EEIG1: variants seen among roughly 807,000 people sequenced by gnomAD.
The protein encoded by EEIG1 is estrogen-induced osteoclastogenesis regulator 1.
the EEIG1 span, among the ~76,000 whole-genome samples, chr9:127,951,612 G>A: frequency 1.5e-4 from 23 of 152,090 alleles, no homozygotes; most frequent in East Asian, 4.4e-3. Flanking sequence ...TCAGGAGATC[G>A]AGACCATCCT....
chr9:127,959,192 T>C, the EEIG1 span, among the ~76,000 whole-genome samples: 1 of 152,316 alleles, frequency 6.6e-6, no homozygotes, highest in African/African-American at 2.4e-5. Flanking sequence ...ACACAAAAAC[T>C]TGTACACAAA....
the EEIG1 span, chr9:127,948,240 C>T: frequency 1.9e-6 from 3 of 1,613,606 alleles, no homozygotes; most frequent in Non-Finnish European, 2.5e-6. Context: ...GGAAGACAGA[C>T]AGGTGTGACT....
At chr9:127,948,474 GCCC>G in the EEIG1 span, 1 of 1,528,328 alleles carries the variant, frequency 6.5e-7, no homozygotes, top group Non-Finnish European at 9.1e-7. Context: ...CAGGCGCAGG[GCCC>G]CCTGCAGCCT....
the EEIG1 span, among the ~76,000 whole-genome samples, chr9:127,967,881 C>T: frequency 6.6e-6 from 1 of 152,080 alleles, no homozygotes; most frequent in African/African-American, 2.4e-5. Flanking sequence ...CCTGGAGTTC[C>T]CCTCTGAGGC....
chr9:127,962,048 G>A, the EEIG1 span, among the ~76,000 whole-genome samples: 5 of 152,190 alleles, frequency 3.3e-5, no homozygotes, highest in African/African-American at 4.8e-5. Context: ...GGACTGCTCC[G>A]ATGGCACCCA....
At chr9:127,970,578 C>G in the EEIG1 span, among the ~76,000 whole-genome samples, 1 of 152,162 alleles carries the variant, frequency 6.6e-6, no homozygotes. Context: ...GAAACCTGCC[C>G]TTCTCAGCTG....
At chr9:127,946,250 T>C in the EEIG1 span, among the ~76,000 whole-genome samples, 5 of 152,076 alleles carry the variant, frequency 3.3e-5, no homozygotes, top group African/African-American at 1.2e-4. Context: ...TCAGCGGAGT[T>C]GGAGTGGAAG....
At chr9:127,977,803 T>G in the EEIG1 span, among the ~76,000 whole-genome samples, 1 of 152,094 alleles carries the variant, frequency 6.6e-6, no homozygotes, top group Non-Finnish European at 1.5e-5. Flanking sequence ...TGTTTCCACC[T>G]CTCTAACATG....
chr9:127,979,738 T>A, the EEIG1 span, among the ~76,000 whole-genome samples: 1 of 152,352 alleles, frequency 6.6e-6, no homozygotes, highest in African/African-American at 2.4e-5. Flanking sequence ...GTCTGCAGAA[T>A]GGACCTACTG....
At chr9:127,975,234 A>G in the EEIG1 span, among the ~76,000 whole-genome samples, 1 of 152,194 alleles carries the variant, frequency 6.6e-6, no homozygotes, top group South Asian at 2.1e-4. Context: ...GGCCTTCTTC[A>G]TACTAAAAGA....
the EEIG1 span, chr9:127,940,697 C>G: frequency 6.6e-6 from 1 of 152,030 alleles, no homozygotes; most frequent in African/African-American, 2.4e-5. Context: ...GGAACAAACA[C>G]AGCCCACTCA....
At chr9:127,977,440 C>T in the EEIG1 span, among the ~76,000 whole-genome samples, 1 of 152,226 alleles carries the variant, frequency 6.6e-6, no homozygotes, top group Non-Finnish European at 1.5e-5. Flanking sequence ...GGCCTGGAGG[C>T]CAGGCAAGTC....
At chr9:127,968,496 C>T in the EEIG1 span, among the ~76,000 whole-genome samples, 1 of 152,154 alleles carries the variant, frequency 6.6e-6, no homozygotes, top group Non-Finnish European at 1.5e-5. Flanking sequence ...GCTGGGCACA[C>T]GGTAGGTCAG....
the EEIG1 span, among the ~76,000 whole-genome samples, chr9:127,967,239 C>T: frequency 6.6e-6 from 1 of 152,186 alleles, no homozygotes; most frequent in African/African-American, 2.4e-5. Flanking sequence ...AGCAGGCAAG[C>T]TCTGCAGAAC....
chr9:127,957,228 CA>C, the EEIG1 span, among the ~76,000 whole-genome samples: 1 of 149,310 alleles, frequency 6.7e-6, no homozygotes, highest in Non-Finnish European at 1.5e-5. Flanking sequence ...GACCTTGTCT[CA>C]AAACAAACAA....
At chr9:127,967,126 C>T in the EEIG1 span, among the ~76,000 whole-genome samples, 1 of 152,150 alleles carries the variant, frequency 6.6e-6, no homozygotes, top group Non-Finnish European at 1.5e-5. Flanking sequence ...AAGTGTGGGG[C>T]CAATGGGGTG....
chr9:127,969,713 T>A, the EEIG1 span, among the ~76,000 whole-genome samples: 2 of 152,042 alleles, frequency 1.3e-5, no homozygotes, highest in African/African-American at 4.8e-5. Flanking sequence ...AAGAGTTACA[T>A]CTCTGTTTGC....
At chr9:127,960,102 G>C in the EEIG1 span, among the ~76,000 whole-genome samples, 1 of 152,218 alleles carries the variant, frequency 6.6e-6, no homozygotes, top group East Asian at 1.9e-4. Flanking sequence ...TGTGTGGGGA[G>C]TGCAGGTAGC....
chr9:127,950,289 C>G, the EEIG1 span: 1 of 839,416 alleles, frequency 1.2e-6, no homozygotes, highest in South Asian at 1.7e-5. Flanking sequence ...TTCCAGGGCT[C>G]GCCCCTTCCC....
Sources: allele counts gnomAD v4.1 joint callset (sites outside exome capture counted in the v4.1 genomes callset), GRCh38; gene constraint gnomAD v4.1.1; transcripts MANE v1.5; gene names NCBI Gene and HGNC (gene_info 2026-07-23, HGNC 2026-07-21).